The following SDK1 variants were observed in gnomAD, a reference collection of about 807,000 sequenced individuals.
The protein encoded by SDK1 is sidekick cell adhesion molecule 1.
In SDK1, 157 loss-of-function variants were observed where a neutral mutation model predicts 245.5. The observed-to-expected ratio is 0.64, with a 90% CI of 0.56 to 0.73. SDK1 has a LOEUF of 0.73. SDK1 is among the 30% of genes least tolerant of loss of function. The pLI is 0.00. For synonymous variants in SDK1, 1,647 were observed against 1,278.5 expected (o/e 1.29, Z -6.15); for missense variants, 3,583 against 3,002.3 (o/e 1.19, Z -4.52).
At chr7:4,007,275 C>T (rs945394572) in intron 14 of SDK1, among the ~76,000 whole-genome samples, 1 of 152,154 alleles carries the variant, frequency 6.6e-6, no homozygotes, top group Non-Finnish European at 1.5e-5. Flanking sequence ...GCGGGTTTCA[C>T]TCTAAGGTTC....
chr7:4,144,520 G>T (rs528498598), intron 28 of SDK1, among the ~76,000 whole-genome samples: 12 of 151,792 alleles, frequency 7.9e-5, no homozygotes, highest in African/African-American at 2.9e-4. Flanking sequence ...TCTGATCTCC[G>T]TGTAATTGTC....
chr7:4,186,400 G>A (rs1156976374), intron 35 of SDK1, among the ~76,000 whole-genome samples: 5 of 152,190 alleles, frequency 3.3e-5, no homozygotes, highest in South Asian at 2.1e-4. Flanking sequence ...CCCCAGGGTC[G>A]CTCTTTAGCC....
intron 44 of SDK1, among the ~76,000 whole-genome samples, chr7:4,264,207 GGGGGAGGCCGCGTAGACCTCTCCTGAGT>G (rs1788274667): frequency 1.1e-3 from 18 of 16,862 alleles, no homozygotes; most frequent in African/African-American, 1.9e-3. Flanking sequence ...TCTCCTGAGT[GGGGGAGGCCGCGTAGACCTCTCCTGAGT>G]GGGGAGGCCG....
rs566993575 is a variant in SDK1 at position 4,026,467 on chromosome 7, C to T, written c.2602+9115C>T. ...TCAGACGACTGGCTTCACGAGGGCC[C>T]GGTGTGCAGACAGCCTGCCAGGGCC... On this transcript the variant is annotated intron_variant, in intron 17 of 44. Coordinates refer to ENST00000404826, the MANE Select transcript of SDK1 (RefSeq NM_152744.4). This position sits in a 1 kb window ranked among gnomAD's most constrained non-coding sequence, Gnocchi z 4.1. Among the ~76,000 whole-genome samples the T allele has an allele frequency of 8.5e-5, 13 of 152,352 alleles. No homozygotes were observed. Among genetic ancestry groups the T allele is most frequent in the Non-Finnish European group, 1.5e-4 (10 of 68,036 alleles).
At chr7:3,615,640 G>A (rs1220838793) in intron 1 of SDK1, among the ~76,000 whole-genome samples, 1 of 151,626 alleles carries the variant, frequency 6.6e-6, no homozygotes, top group East Asian at 1.9e-4. Context: ...TGAACAGAAA[G>A]TTGTACAAGT....
At chr7:3,753,893 G>A (rs1779845147) in intron 4 of SDK1, among the ~76,000 whole-genome samples, 1 of 152,112 alleles carries the variant, frequency 6.6e-6, no homozygotes, top group African/African-American at 2.4e-5. Flanking sequence ...ACGTCCATGA[G>A]AATTCAGCAT....
chr7:3,729,034 G>A (rs958421332), intron 4 of SDK1, among the ~76,000 whole-genome samples: 1 of 152,176 alleles, frequency 6.6e-6, no homozygotes, highest in Non-Finnish European at 1.5e-5. Flanking sequence ...TAGCCTTTGC[G>A]ATTAGGTGCT....
intron 1 of SDK1, among the ~76,000 whole-genome samples, chr7:3,473,289 A>C (rs1005128552): frequency 3.9e-5 from 6 of 152,316 alleles, no homozygotes; most frequent in Admixed American, 2.6e-4. Flanking sequence ...TCCACCCCAA[A>C]TCCTTTCCCA....
chr7:3,983,650 C>T lies in SDK1; in HGVS notation c.1995-3536C>T, dbSNP rs114675507. 4.9e-3 allele frequency among the ~76,000 whole-genome samples: 747 copies of T among 152,290 alleles called. 8 individuals carry two copies. Among genetic ancestry groups the T allele is most frequent in the African/African-American group, 0.017 (710 of 41,544 alleles). ...TTCATTGTGGTGGTCGGGAACTGAA[C>T]GTGCAGTATCTCTGAGACATGCCTC... On this transcript the variant is annotated intron_variant, in intron 13 of 44. Coordinates refer to ENST00000404826, the MANE Select transcript of SDK1 (RefSeq NM_152744.4).
chr7:3,866,223 T>C (rs1210005290), intron 5 of SDK1, among the ~76,000 whole-genome samples: 1 of 152,252 alleles, frequency 6.6e-6, no homozygotes, highest in African/African-American at 2.4e-5. Flanking sequence ...GATTCACTTA[T>C]GCATTCATTA....
chr7:3,452,979 C>A (rs1376372325), intron 1 of SDK1, among the ~76,000 whole-genome samples: 1 of 152,198 alleles, frequency 6.6e-6, no homozygotes, highest in Non-Finnish European at 1.5e-5. Flanking sequence ...GAGAAAACTA[C>A]TCATGGCCAT....
chr7:3,806,870 G>A (rs1341308701), intron 4 of SDK1, among the ~76,000 whole-genome samples: 1 of 152,080 alleles, frequency 6.6e-6, no homozygotes, highest in African/African-American at 2.4e-5. Context: ...TTTGTGTGGG[G>A]TTGTCTGGGA....
chr7:4,187,168 C>T lies in SDK1; in HGVS notation c.5098+8582C>T, dbSNP rs911849660. The stretch of plus-strand genomic sequence containing the variant: ...CTACATGAGGCACGGGGGCCAAGTC[C>T]AGGGATGAGGCAGGGGGCACCTGAG... On this transcript the variant is annotated intron_variant, in intron 35 of 44. Transcript: ENST00000404826. Among the ~76,000 whole-genome samples, 6 of 152,016 alleles carry T rather than the reference C, an allele frequency of 3.9e-5. No homozygotes were observed. In the South Asian group the frequency reaches 6.2e-4, roughly 16 times the overall value.
chr7:3,985,811 T>G (rs1283998278), intron 13 of SDK1, among the ~76,000 whole-genome samples: 1 of 152,170 alleles, frequency 6.6e-6, no homozygotes, highest in African/African-American at 2.4e-5. Context: ...TAGAGCTGTT[T>G]CTTGGGGAAC....
chr7:3,770,967 A>G (rs1041165839), intron 4 of SDK1, among the ~76,000 whole-genome samples: 2 of 151,956 alleles, frequency 1.3e-5, no homozygotes, highest in African/African-American at 2.4e-5. Context: ...CTTATTCACA[A>G]TAGGCAGGTA....
chr7:3,946,583 C>G (rs1780588009), intron 5 of SDK1, among the ~76,000 whole-genome samples: 1 of 152,110 alleles, frequency 6.6e-6, no homozygotes, highest in Non-Finnish European at 1.5e-5. Flanking sequence ...TCCCAAAGTT[C>G]TGGGATTACA....
At chr7:3,736,524 G>A (rs1472306454) in intron 4 of SDK1, among the ~76,000 whole-genome samples, 1 of 152,022 alleles carries the variant, frequency 6.6e-6, no homozygotes, top group Admixed American at 6.5e-5. Flanking sequence ...CACCCACCTC[G>A]GCCTCCCAAA....
chr7:4,101,179 C>T (rs1319311180), intron 22 of SDK1, among the ~76,000 whole-genome samples: 10 of 148,152 alleles, frequency 6.7e-5, no homozygotes, highest in South Asian at 2.1e-4. Flanking sequence ...GACGGAGTCT[C>T]GCTCTGTCAC....
intron 1 of SDK1, among the ~76,000 whole-genome samples, chr7:3,424,547 G>A (rs1194785366): frequency 2.6e-5 from 4 of 152,128 alleles, no homozygotes; most frequent in Non-Finnish European, 4.4e-5. Context: ...TGCTGCATCA[G>A]TTTGTTTTCT....
Sources: allele counts gnomAD v4.1 joint callset (sites outside exome capture counted in the v4.1 genomes callset), GRCh38; gene constraint gnomAD v4.1.1; non-coding constraint Gnocchi (gnomAD v3.1); transcripts MANE v1.5; gene names NCBI Gene and HGNC (gene_info 2026-07-23, HGNC 2026-07-21).